ITPR1: variants seen among roughly 807,000 people sequenced by gnomAD.
ITPR1 encodes the protein inositol 1,4,5-trisphosphate-gated calcium channel ITPR1.
A neutral mutation model predicts 318.4 loss-of-function variants in ITPR1; 96 were observed. The ratio of observed to expected loss-of-function variants is 0.30; its 90% CI spans 0.26 to 0.36. The LOEUF is 0.36. ITPR1 is among the 10% of genes least tolerant of loss of function. The pLI is 1.00. For synonymous variants in ITPR1, 1,312 were observed against 1,289.9 expected, an observed-to-expected ratio of 1.02 and a Z score of -0.37; for missense variants, 2,440 against 3,460.2, an observed-to-expected ratio of 0.71 and a Z score of 7.40.
chr3:4,675,419 G>A (rs1013676374), intron 23 of ITPR1, among the ~76,000 whole-genome samples, 171 bp downstream of exon 23: 4 of 152,228 alleles, frequency 2.6e-5, no homozygotes, highest in Non-Finnish European at 5.9e-5. Context: ...AGAACAGTAC[G>A]ATGGAGTCCC....
intron 2 of ITPR1, among the ~76,000 whole-genome samples, chr3:4,499,228 A>G (rs1167634291): frequency 2.0e-5 from 3 of 152,228 alleles, no homozygotes; most frequent in African/African-American, 7.2e-5. Context: ...AGGAGCAATG[A>G]AACAAAACAA....
chr3:4,804,567 G>T (rs2048441731), intron 54 of ITPR1, among the ~76,000 whole-genome samples: 1 of 152,124 alleles, frequency 6.6e-6, no homozygotes, highest in African/African-American at 2.4e-5. Flanking sequence ...GGGGAGAATG[G>T]ACTCAGGTGA....
rs562339789 is a variant in ITPR1, at chr3:4,688,444, C to T, written c.3703-51C>T. The T allele has an allele frequency of 2.5e-6, 4 of 1,606,716 alleles. No homozygotes were observed. The South Asian group carries it at 3.3e-5, about 13-fold the overall frequency. On this transcript the variant is annotated intron_variant, in intron 30 of 61. Coordinates refer to ENST00000649015, the MANE Select transcript of ITPR1 (RefSeq NM_001378452.1). ...CAGGAGGTGTTGGGTATAGGAGAAGCTGGTCTCCTGGCCCAGCAATCAGTG... is the reference window on the plus strand; with the variant it reads ...CAGGAGGTGTTGGGTATAGGAGAAGTTGGTCTCCTGGCCCAGCAATCAGTG...
intron 30 of ITPR1, 127 bp from the exon 31 acceptor site, chr3:4,688,368 A>G (rs1324492935): frequency 9.1e-7 from 1 of 1,099,032 alleles, no homozygotes. Context: ...CAGCCCCTCA[A>G]TATTTACCCA....
intron 4 of ITPR1, among the ~76,000 whole-genome samples, chr3:4,584,781 G>A (rs890874421): frequency 1.3e-5 from 2 of 151,912 alleles, no homozygotes; most frequent in Non-Finnish European, 1.5e-5. Context: ...AAAGACCCCC[G>A]TTCATCTCCC....
intron 16 of ITPR1, among the ~76,000 whole-genome samples, chr3:4,664,258 A>G (rs1383532062): frequency 1.3e-5 from 2 of 152,214 alleles, no homozygotes; most frequent in Non-Finnish European, 2.9e-5. Context: ...CATAGATGAT[A>G]TTGTTGGATG....
chr3:4,508,757 A>G (rs2081580704), intron 2 of ITPR1, among the ~76,000 whole-genome samples: 1 of 152,150 alleles, frequency 6.6e-6, no homozygotes, highest in South Asian at 2.1e-4. Flanking sequence ...CACCACCCCC[A>G]CTGCCAGCAG....
intron 34 of ITPR1, among the ~76,000 whole-genome samples, chr3:4,699,444 G>C (rs144846234): frequency 1.3e-5 from 2 of 152,174 alleles, no homozygotes; most frequent in Non-Finnish European, 2.9e-5. Flanking sequence ...GTCTAGAACC[G>C]AGGAATGGAT....
chr3:4,691,088 C>A, intron 31 of ITPR1, 56 bp from the exon 32 acceptor site: 1 of 1,202,814 alleles, frequency 8.3e-7, no homozygotes, highest in Non-Finnish European at 1.2e-6. Flanking sequence ...ACTTTTTAAT[C>A]TGTTCTGTCA....
chr3:4,610,957 T>TC (rs2092050594), intron 4 of ITPR1, among the ~76,000 whole-genome samples: 1 of 55,612 alleles, frequency 1.8e-5, no homozygotes, highest in African/African-American at 7.5e-5. Context: ...CCCTTCCCCT[T>TC]CCCCTTCCCC....
At chr3:4,725,167 C>T (rs959036825) in intron 40 of ITPR1, among the ~76,000 whole-genome samples, 3 of 151,870 alleles carry the variant, frequency 2.0e-5, no homozygotes, top group Non-Finnish European at 2.9e-5. Flanking sequence ...TGAGAGCCTC[C>T]GTGGACACGC....
At chr3:4,840,029 CTTTTTTTTTTTT>C (rs56096727) in intron 61 of ITPR1, among the ~76,000 whole-genome samples, 3 of 104,910 alleles carry the variant, frequency 2.9e-5, no homozygotes, top group African/African-American at 8.0e-5. Flanking sequence ...AGCATAGCTG[CTTTTTTTTTTTT>C]TTTTTTTTTT....
At chr3:4,802,908 G>T (rs1394023642) in intron 54 of ITPR1, among the ~76,000 whole-genome samples, 1 of 152,120 alleles carries the variant, frequency 6.6e-6, no homozygotes, top group Non-Finnish European at 1.5e-5. Context: ...TGGGCACAGA[G>T]TCAGAGCCTT....
Position 4,735,584 on chromosome 3 carries a change from A to G in ITPR1, c.5544+230A>G, listed in dbSNP as rs556944046. On this transcript the variant is annotated intron_variant, in intron 44 of 61. Transcript: ENST00000649015. Reference sequence around the variant, plus strand: ...AGTTACATTTGAAAACTGATAAAACACTGAGAATACGCAAAGGAAACTGGC... The same window carrying G: ...AGTTACATTTGAAAACTGATAAAACGCTGAGAATACGCAAAGGAAACTGGC... 5.0e-5 allele frequency: 26 copies of G among 525,060 alleles called. No individual in the cohort carries two copies. The East Asian group carries it at 5.2e-4, about 10-fold the overall frequency. The allele number at this position is 525,060 out of a possible 1,614,324, so 32.5% of individuals were successfully genotyped here.
At chr3:4,592,090 G>C (rs1454426168) in intron 4 of ITPR1, among the ~76,000 whole-genome samples, 1 of 152,172 alleles carries the variant, frequency 6.6e-6, no homozygotes, top group Admixed American at 6.5e-5. Flanking sequence ...GTTTAAAAGA[G>C]AACACACAAT....
At chr3:4,813,274 C>A in intron 57 of ITPR1, 40 bp downstream of exon 57, 3 of 1,423,462 alleles carry the variant, frequency 2.1e-6, no homozygotes, top group East Asian at 2.3e-5. Context: ...TAATATCGGA[C>A]TCCTCCAGAG....
At chr3:4,812,645 G>A (rs2049014474) in intron 56 of ITPR1, among the ~76,000 whole-genome samples, 1 of 152,144 alleles carries the variant, frequency 6.6e-6, no homozygotes, top group African/African-American at 2.4e-5. Flanking sequence ...GAATCGTTGT[G>A]GCTGACTGAG....
At chr3:4,731,503 G>C (rs2042925166) in intron 42 of ITPR1, among the ~76,000 whole-genome samples, 1 of 152,188 alleles carries the variant, frequency 6.6e-6, no homozygotes, top group Non-Finnish European at 1.5e-5. Context: ...ACTATGAAGA[G>C]AGGCATATTT....
Position 4,658,152 on chromosome 3 carries a change from G to A in ITPR1, c.1025G>A (p.Ser342Asn). 6.2e-7 allele frequency: 1 copy of A among 1,613,148 alleles called. No homozygotes were observed. The highest frequency in any genetic ancestry group is 8.5e-7 in the Non-Finnish European group (1 of 1,179,332). ...SVDPDQDASR[S>N]RLRNAQEKMV... ...GACCCTGATCAGGACGCCTCTCGAA[G>A]TAGGTTGCGGAATGCCCAAGAAAAG... Residue 342 changes from serine to asparagine, a missense_variant, in exon 13 of 62, where the codon AGT (serine) becomes AAT (asparagine). Coordinates refer to ENST00000649015, the MANE Select transcript of ITPR1 (RefSeq NM_001378452.1).
Sources: gnomAD v4.1 joint callset for allele counts (sites outside exome capture counted in the v4.1 genomes callset) on GRCh38, gnomAD v4.1.1 for gene constraint, MANE v1.5 for transcripts, NCBI Gene and HGNC (gene_info 2026-07-23, HGNC 2026-07-21) for gene names.